BLTP1: variants seen among roughly 807,000 people sequenced by gnomAD.
BLTP1 encodes the protein fragile site-associated protein.
At chr4:122,163,882 A>G in the BLTP1 span, among the ~76,000 whole-genome samples, 4 of 152,110 alleles carry the variant, frequency 2.6e-5, no homozygotes, top group Non-Finnish European at 4.4e-5. Context: ...GTTGTTCCAT[A>G]ATAACTGCCT....
At chr4:122,271,519 A>G in the BLTP1 span, 2 of 1,613,372 alleles carry the variant, frequency 1.2e-6, no homozygotes, top group South Asian at 1.1e-5. Flanking sequence ...AAAGAAGAAC[A>G]TCAAAAGTGT....
At chr4:122,207,936 C>T in the BLTP1 span, 446 of 982,670 alleles carry the variant, frequency 4.5e-4, no homozygotes, top group Non-Finnish European at 5.0e-4. Context: ...TTTACTAATT[C>T]ATATGAACTA....
chr4:122,323,894 C>T, the BLTP1 span, among the ~76,000 whole-genome samples: 1 of 151,958 alleles, frequency 6.6e-6, no homozygotes, highest in Non-Finnish European at 1.5e-5. Flanking sequence ...ATCTTAGACT[C>T]CAAAACTCCA....
At chr4:122,209,607 T>G in the BLTP1 span, among the ~76,000 whole-genome samples, 1 of 152,054 alleles carries the variant, frequency 6.6e-6, no homozygotes, top group African/African-American at 2.4e-5. Context: ...ATCGCACCAC[T>G]GCACTCCAGC....
chr4:122,168,008 G>A, the BLTP1 span: 1 of 562,444 alleles, frequency 1.8e-6, no homozygotes, highest in Non-Finnish European at 2.3e-6. Flanking sequence ...TTTTTGTTTG[G>A]ATTCTGTGTC....
At chr4:122,185,308 A>C in the BLTP1 span, 3 of 982,198 alleles carry the variant, frequency 3.1e-6, no homozygotes, top group Non-Finnish European at 3.6e-6. Flanking sequence ...AAATGGATAG[A>C]GGTTATAAAA....
chr4:122,167,838 T>C, the BLTP1 span: 6 of 985,320 alleles, frequency 6.1e-6, no homozygotes, highest in Admixed American at 1.2e-4. Context: ...AACTCTTAGA[T>C]TGAACTGTTC....
chr4:122,166,583 T>C, the BLTP1 span, among the ~76,000 whole-genome samples: 2 of 152,218 alleles, frequency 1.3e-5, no homozygotes. Context: ...ATATGAACTT[T>C]AAAGTAGTTT....
chr4:122,204,440 A>C, the BLTP1 span: 6 of 833,368 alleles, frequency 7.2e-6, no homozygotes, highest in Non-Finnish European at 7.2e-6. Context: ...AGCTGTTATT[A>C]CTATCCCTGA....
At chr4:122,292,837 G>A in the BLTP1 span, among the ~76,000 whole-genome samples, 1 of 152,068 alleles carries the variant, frequency 6.6e-6, no homozygotes, top group Non-Finnish European at 1.5e-5. Flanking sequence ...GTACCTCTGA[G>A]AATGTACTTC....
the BLTP1 span, among the ~76,000 whole-genome samples, chr4:122,339,633 TAGAC>T: frequency 5.3e-5 from 8 of 152,288 alleles, no homozygotes; most frequent in East Asian, 3.9e-4. Flanking sequence ...GAATGGCAAT[TAGAC>T]AGCATTTTGA....
chr4:122,211,045 T>A, the BLTP1 span: 1 of 1,613,476 alleles, frequency 6.2e-7, no homozygotes, highest in African/African-American at 1.3e-5. Context: ...TTCTCCAGAT[T>A]CTCAGATAAC....
the BLTP1 span, among the ~76,000 whole-genome samples, chr4:122,160,908 G>T: frequency 6.6e-6 from 1 of 152,096 alleles, no homozygotes; most frequent in African/African-American, 2.4e-5. Flanking sequence ...TTACATATGC[G>T]CAGAGACCAG....
the BLTP1 span, among the ~76,000 whole-genome samples, chr4:122,164,177 T>A: frequency 6.6e-6 from 1 of 152,140 alleles, no homozygotes; most frequent in Non-Finnish European, 1.5e-5. Context: ...GATTATAGAG[T>A]TACAGATGAC....
chr4:122,355,875 A>T, the BLTP1 span: 1 of 1,612,924 alleles, frequency 6.2e-7, no homozygotes, highest in Non-Finnish European at 8.5e-7. Context: ...TGTTGAGTGG[A>T]TTCAGAGGAG....
At chr4:122,232,149 T>A in the BLTP1 span, 1 of 982,680 alleles carries the variant, frequency 1.0e-6, no homozygotes, top group Admixed American at 6.2e-5. Context: ...TGTGAAAAAT[T>A]GTGAAGAGTC....
At chr4:122,255,927 TA>T in the BLTP1 span, 2 of 284,344 alleles carry the variant, frequency 7.0e-6, no homozygotes, top group Non-Finnish European at 1.1e-5. Context: ...GCTAAAGGTA[TA>T]AAGAGTTTTT....
At chr4:122,192,485 C>G in the BLTP1 span, 1 of 769,668 alleles carries the variant, frequency 1.3e-6, no homozygotes, top group African/African-American at 1.8e-5. Context: ...TTTATTATGG[C>G]AGAGGAAGAT....
the BLTP1 span, chr4:122,175,251 C>T: frequency 4.1e-6 from 4 of 984,754 alleles, no homozygotes; most frequent in Non-Finnish European, 4.8e-6. Context: ...TCACTTAAAA[C>T]TAGAGGAGAC....
Sources: gnomAD v4.1 joint callset for allele counts (sites outside exome capture counted in the v4.1 genomes callset) on GRCh38, gnomAD v4.1.1 for gene constraint, MANE v1.5 for transcripts, NCBI Gene and HGNC (gene_info 2026-07-23, HGNC 2026-07-21) for gene names.